SGSM2: variants seen among roughly 807,000 people sequenced by gnomAD.
SGSM2 encodes the protein small G protein signaling modulator 2.
Under a neutral mutation model 126.6 loss-of-function variants are expected in SGSM2, and 89 were observed. The observed-to-expected ratio is 0.70, with a 90% CI of 0.59 to 0.84. The LOEUF (loss-of-function observed/expected upper bound fraction) is 0.84, where lower values mean the gene tolerates loss of function less well. Ranked by LOEUF, SGSM2 falls within the 40% of genes least tolerant of loss-of-function variation. SGSM2 has a pLI of 0.00. For synonymous variants in SGSM2, 614 were observed against 574.3 expected (o/e 1.07, Z -0.99); for missense variants, 1,404 against 1,416.6 (o/e 0.99, Z 0.14).
rs1345395506 is a variant in SGSM2, at chr17:2,339,912, T to C, written c.57+2167T>C. On this transcript the variant is annotated intron_variant, in intron 1 of 23. Coordinates refer to ENST00000268989, the MANE Select transcript of SGSM2 (RefSeq NM_014853.3). The stretch of plus-strand genomic sequence containing the variant: ...AAAAAAGGATTTCTTAGGCCAGGGG[T>C]GTATCAAGTCAGCATTTAAGCCCAA... Among the ~76,000 whole-genome samples, 5 of 152,158 alleles carry C rather than the reference T, an allele frequency of 3.3e-5. No individual in the cohort carries two copies. The East Asian group carries it at 9.7e-4, about 29-fold the overall frequency.
At chr17:2,376,613 C>G in intron 19 of SGSM2, 120 bp from the exon 20 acceptor site, 1 of 1,097,760 alleles carries the variant, frequency 9.1e-7, no homozygotes, top group South Asian at 1.4e-5. Flanking sequence ...CAGTACATGC[C>G]TTAGGGTCGT....
Position 2,376,799 on chromosome 17 carries a change from G to C in SGSM2, c.2676G>C (p.Leu892=), listed in dbSNP as rs2066183154. ...TGTGCGATCTGCTGGCGCCTCTCCT[G>C]GTCACCCTCGACAATGGTGAGGGAT... ...QGMCDLLAPL[L]VTLDNDQLAY... is the part of the protein sequence containing the mutation. The change falls in exon 20 of 24, where the codon CTG becomes CTC. Residue 892 remains leucine, a synonymous_variant. Transcript: ENST00000268989. 3 of 1,613,956 alleles carry C rather than the reference G, an allele frequency of 1.9e-6. No individual in the cohort carries two copies. In the South Asian group the frequency reaches 3.3e-5, roughly 18 times the overall value.
intron 2 of SGSM2, among the ~76,000 whole-genome samples, chr17:2,352,767 CTTTTTTTTT>C (rs71150860): frequency 5.8e-4 from 50 of 85,942 alleles, no homozygotes; most frequent in African/African-American, 1.5e-3. Flanking sequence ...GCTGCATTTT[CTTTTTTTTT>C]TTTTTTTTTT....
chr17:2,365,679 C>T (rs2065536797), intron 11 of SGSM2, among the ~76,000 whole-genome samples: 1 of 152,050 alleles, frequency 6.6e-6, no homozygotes, highest in Non-Finnish European at 1.5e-5. Flanking sequence ...GGGGAACCCT[C>T]CATTGCTCTT....
chr17:2,369,876 C>T (rs1285697357), intron 12 of SGSM2, among the ~76,000 whole-genome samples: 1 of 152,190 alleles, frequency 6.6e-6, no homozygotes, highest in Non-Finnish European at 1.5e-5. Flanking sequence ...TGGCTTGCAA[C>T]GCCCTCACTC....
At position 2,337,850 on chromosome 17, in the gene SGSM2, C is replaced by T. The variant is rs2064148797; in HGVS notation, c.57+105C>T. On this transcript the variant is annotated intron_variant, in intron 1 of 23. Transcript: ENST00000268989. This position sits in a 1 kb window ranked among gnomAD's most constrained non-coding sequence, Gnocchi z 5.1. Reference sequence around the variant, plus strand: ...CCCGGCGCGGGCACCCGGGCCGAACCTGGGCCGGGCGGGGCGGGTCCTGGA... The same window carrying T: ...CCCGGCGCGGGCACCCGGGCCGAACTTGGGCCGGGCGGGGCGGGTCCTGGA... The T allele has an allele frequency of 1.4e-6, 1 of 721,052 alleles. No homozygotes were observed. Among genetic ancestry groups the T allele is most frequent in the South Asian group, 4.0e-5 (1 of 24,778 alleles). 44.7% of individuals were successfully genotyped at this position (721,052 alleles called of 1,614,324 possible). A position where few individuals can be genotyped will look rare whatever the true frequency, so the allele number is the denominator to read the frequency against.
At chr17:2,378,594 C>T (rs554929140) in intron 22 of SGSM2, among the ~76,000 whole-genome samples, 2 of 151,932 alleles carry the variant, frequency 1.3e-5, no homozygotes, top group Non-Finnish European at 2.9e-5. Context: ...TAGGTGATTC[C>T]GAAGTGCCAC....
intron 17 of SGSM2, 121 bp from the exon 18 acceptor site, chr17:2,375,371 G>A (rs1308917527): frequency 3.1e-6 from 4 of 1,270,272 alleles, no homozygotes; most frequent in African/African-American, 1.5e-5. Flanking sequence ...AGTGTTGGAG[G>A]CTGTGGTGGG....
chr17:2,373,537 G>T, intron 17 of SGSM2, 24 bp downstream of exon 17: 1 of 1,578,446 alleles, frequency 6.3e-7, no homozygotes, highest in Non-Finnish European at 8.6e-7. Flanking sequence ...GACCTGGAGG[G>T]TTGGGGGTCT....
chr17:2,340,908 T>A (rs1404233172), intron 1 of SGSM2, among the ~76,000 whole-genome samples: 9 of 152,148 alleles, frequency 5.9e-5, no homozygotes. Flanking sequence ...TACAGAAACA[T>A]CCTGTCCCTT....
At chr17:2,347,592 C>G (rs1036734540) in intron 2 of SGSM2, among the ~76,000 whole-genome samples, 4 of 150,770 alleles carry the variant, frequency 2.7e-5, no homozygotes, top group Non-Finnish European at 4.4e-5. Context: ...AAAGTATAGG[C>G]TGGTATCTCC....
Position 2,367,766 on chromosome 17 carries a change from A to T in SGSM2, c.1423+361A>T, listed in dbSNP as rs1053522583. Among the ~76,000 whole-genome samples the T allele has an allele frequency of 5.9e-5, 9 of 152,160 alleles. No individual in the cohort carries two copies. Among genetic ancestry groups the T allele is most frequent in the Non-Finnish European group, 1.2e-4 (8 of 68,024 alleles). On this transcript the variant is annotated intron_variant, in intron 12 of 23. Transcript: ENST00000268989. This position sits in a 1 kb window ranked among gnomAD's most constrained non-coding sequence, Gnocchi z 4.0. ...GAGGTCTCTTCCTTTCTCTCTGCTG[A>T]TTGGGAAGACCAGCCTCTGGGCCTG... is the stretch of plus-strand genomic sequence containing the variant.
intron 2 of SGSM2, among the ~76,000 whole-genome samples, chr17:2,354,696 A>G (rs1329496775): frequency 1.3e-4 from 20 of 152,362 alleles, no homozygotes; most frequent in Admixed American, 1.2e-3. Flanking sequence ...TATTGCGTCT[A>G]TACGGGTTGC....
rs1310276203 is a variant in SGSM2, at chr17:2,376,488, C to G, written c.2609+227C>G. ...CACACCTCTTCAGGAAGCTTTCCCT[C>G]ATCCCCGCACCCCCGCCCCACATAC... On this transcript the variant is annotated intron_variant, in intron 19 of 23. Transcript: ENST00000268989. 4.5e-6 allele frequency: 3 copies of G among 664,768 alleles called. No homozygotes were observed. In the Admixed American group the frequency reaches 8.5e-5, roughly 19 times the overall value. 41.2% of individuals were successfully genotyped at this position (664,768 alleles called of 1,614,324 possible).
intron 1 of SGSM2, among the ~76,000 whole-genome samples, chr17:2,342,539 G>A (rs558681557): frequency 6.6e-6 from 1 of 152,300 alleles, no homozygotes; most frequent in East Asian, 1.9e-4. Context: ...AGGCGAGGGT[G>A]TTGGTCACAT....
At position 2,361,877 on chromosome 17, in the gene SGSM2, C is replaced by T. The variant is rs1012202122; in HGVS notation, c.296+78C>T. On this transcript the variant is annotated intron_variant, in intron 3 of 23. Transcript: ENST00000268989. ...AATTGCTACTTCCTAGGACACCCAT[C>T]GGAAAGTTGGCATCCTGGGCCTGTT... 143 of 1,500,812 alleles carry T rather than the reference C, an allele frequency of 9.5e-5. 1 individual carries two copies. The highest frequency in any genetic ancestry group is 4.7e-4 in the Admixed American group (23 of 49,208). The allele number at this position is 1,500,812 out of a possible 1,614,324, so 93.0% of individuals were successfully genotyped here. A position where few individuals can be genotyped will look rare whatever the true frequency, so the allele number is the denominator to read the frequency against.
chr17:2,364,211 A>G (rs1329365418), intron 8 of SGSM2, 28 bp downstream of exon 8: 1 of 1,612,834 alleles, frequency 6.2e-7, no homozygotes, highest in Admixed American at 1.7e-5. Flanking sequence ...CAATCCCAGG[A>G]GCCAGGGCAG....
intron 2 of SGSM2, among the ~76,000 whole-genome samples, chr17:2,351,707 G>A (rs1348851149): frequency 6.6e-6 from 1 of 152,226 alleles, no homozygotes; most frequent in East Asian, 1.9e-4. Context: ...GCAGGTCTAC[G>A]CACCACCACG....
At chr17:2,368,631 CCTA>C (rs1414589596) in intron 12 of SGSM2, among the ~76,000 whole-genome samples, 1 of 152,170 alleles carries the variant, frequency 6.6e-6, no homozygotes, top group Non-Finnish European at 1.5e-5. Context: ...CAGCTGCCCT[CCTA>C]CTGCCAGGCG....
Sources: gnomAD v4.1 joint callset for allele counts (sites outside exome capture counted in the v4.1 genomes callset) on GRCh38, gnomAD v4.1.1 for gene constraint, Gnocchi (gnomAD v3.1) non-coding constraint, MANE v1.5 for transcripts, NCBI Gene and HGNC (gene_info 2026-07-23, HGNC 2026-07-21) for gene names.